CERK: variants seen among roughly 807,000 people sequenced by gnomAD.
The protein encoded by CERK is ceramide kinase.
CERK carries 39 observed loss-of-function variants against 63.4 expected under a neutral mutation model. The ratio of observed to expected loss-of-function variants is 0.61; its 90% CI spans 0.48 to 0.80. The LOEUF (loss-of-function observed/expected upper bound fraction) is 0.80. Ranked by LOEUF, CERK falls within the 30% of genes least tolerant of loss-of-function variation. CERK has a pLI of 0.00. For synonymous variants in CERK, 302 were observed against 280.0 expected (o/e 1.08, Z -0.78); for missense variants, 670 against 714.1 (o/e 0.94, Z 0.70).
At chr22:46,703,703 G>A (rs940264984) in intron 6 of CERK, among the ~76,000 whole-genome samples, 2 of 152,108 alleles carry the variant, frequency 1.3e-5, no homozygotes, top group African/African-American at 2.4e-5. Context: ...AGCCACCAGC[G>A]TTCTCACCGG....
intron 6 of CERK, 134 bp downstream of exon 6, chr22:46,707,709 C>T: frequency 9.9e-7 from 1 of 1,011,788 alleles, no homozygotes; most frequent in South Asian, 1.6e-5. Flanking sequence ...CCAAGAGTGG[C>T]CCTAATGTTA....
intron 3 of CERK, among the ~76,000 whole-genome samples, chr22:46,716,191 CTTT>C (rs79638073): frequency 2.1e-5 from 3 of 141,298 alleles, no homozygotes; most frequent in African/African-American, 2.6e-5. Context: ...CCTCATCTCC[CTTT>C]TTTTTTTTTT....
chr22:46,699,248 G>C, intron 8 of CERK, 65 bp downstream of exon 8: 1 of 1,534,178 alleles, frequency 6.5e-7, no homozygotes, highest in Middle Eastern at 1.7e-4. Context: ...ATTCAGTCAG[G>C]TAACATCTGT....
chr22:46,721,290 CAT>C (rs369906534), intron 1 of CERK, among the ~76,000 whole-genome samples: 3 of 150,864 alleles, frequency 2.0e-5, no homozygotes, highest in East Asian at 3.9e-4. Flanking sequence ...AAAAGATATA[CAT>C]ATATATATAT....
In CERK at chr22:46,720,972, T is replaced by G; in HGVS notation, c.186A>C (p.Glu62Asp). 1 of 1,613,822 alleles carries G rather than the reference T, an allele frequency of 6.2e-7. No homozygotes were observed. Among genetic ancestry groups the G allele is most frequent in the African/African-American group, 1.3e-5 (1 of 75,040 alleles). The change falls in exon 2 of 13, where the codon GAA becomes GAC. Residue 62 changes from glutamate to aspartate, a missense_variant. Glu to Asp is a conservative substitution (Grantham distance 45). Transcript: ENST00000216264. ...VPVSEIIAVE[E>D]TDVHGKHQGS... Reference sequence around the variant, plus strand: ...CTTGATGTTTCCCGTGAACGTCTGTTTCCTCAACGGCGATGATCTCAGATA... The same window carrying G: ...CTTGATGTTTCCCGTGAACGTCTGTGTCCTCAACGGCGATGATCTCAGATA...
chr22:46,692,174 C>T (rs1325356953), intron 10 of CERK, among the ~76,000 whole-genome samples: 1 of 152,206 alleles, frequency 6.6e-6, no homozygotes, highest in East Asian at 1.9e-4. Context: ...CGCCTGTAAT[C>T]CCAGCACTTT....
intron 1 of CERK, 36 bp downstream of exon 1, chr22:46,737,971 C>T: frequency 8.7e-7 from 1 of 1,155,194 alleles, no homozygotes; most frequent in Non-Finnish European, 1.1e-6. Flanking sequence ...GCTCCCTGGC[C>T]AGGTCCGGCC....
At chr22:46,713,525 A>AC (rs1372971437) in intron 3 of CERK, among the ~76,000 whole-genome samples, 1 of 150,390 alleles carries the variant, frequency 6.6e-6, no homozygotes, top group Non-Finnish European at 1.5e-5. Flanking sequence ...AAAAAAAAAA[A>AC]AAAACAAACA....
intron 5 of CERK, 36 bp downstream of exon 5, chr22:46,711,050 A>G: frequency 6.4e-7 from 1 of 1,572,292 alleles, no homozygotes; most frequent in Non-Finnish European, 8.7e-7. Context: ...TTTCATTAAC[A>G]ATGGACTTGA....
rs1391409762 is a variant in CERK at position 46,685,930 on chromosome 22, C to T, written c.*1204G>A. 1 of 152,144 alleles carries T rather than the reference C, an allele frequency of 6.6e-6. No individual in the cohort carries two copies. Among genetic ancestry groups the T allele is most frequent in the Admixed American group, 6.5e-5 (1 of 15,274 alleles). The allele number at this position is 152,144 out of a possible 1,614,324, so 9.4% of individuals were successfully genotyped here. A position where few individuals can be genotyped will look rare whatever the true frequency, so the allele number is the denominator to read the frequency against. ...GCTCCTTACAGATCAAAGTTTAAGC[C>T]GCATATTCTCATATTTCAAACAAAA... is the stretch of plus-strand genomic sequence containing the variant. On this transcript the variant is annotated 3_prime_UTR_variant, in exon 13 of 13. Coordinates refer to ENST00000216264, the MANE Select transcript of CERK (RefSeq NM_022766.6).
chr22:46,737,587 A>G (rs529484774), intron 1 of CERK, among the ~76,000 whole-genome samples: 45 of 152,350 alleles, frequency 3.0e-4, no homozygotes, highest in African/African-American at 1.1e-3. Context: ...GATCCCTGCT[A>G]AAGAAAAGCA....
At chr22:46,716,192 T>C (rs1013670638) in intron 3 of CERK, among the ~76,000 whole-genome samples, 15 of 107,714 alleles carry the variant, frequency 1.4e-4, no homozygotes, top group African/African-American at 2.7e-4. Context: ...CTCATCTCCC[T>C]TTTTTTTTTT....
rs1476648507 is a variant in CERK, at chr22:46,689,964, C to T, written c.1541+28G>A. 4 of 1,559,318 alleles carry T rather than the reference C, an allele frequency of 2.6e-6. No homozygotes were observed. In the Admixed American group the frequency reaches 7.3e-5, roughly 28 times the overall value. On this transcript the variant is annotated intron_variant, in intron 12 of 12. Transcript: ENST00000216264. Reference sequence around the variant, plus strand: ...CACCTCAGGGCTCAAGGGGATGGCGCTGGTGGCTGGAGGACCCCTGCACGC... The same window carrying T: ...CACCTCAGGGCTCAAGGGGATGGCGTTGGTGGCTGGAGGACCCCTGCACGC...
intron 3 of CERK, among the ~76,000 whole-genome samples, chr22:46,718,588 C>T (rs1445733669): frequency 2.0e-5 from 3 of 152,250 alleles, no homozygotes; most frequent in Admixed American, 6.5e-5. Flanking sequence ...GCCCTCCTGC[C>T]CCAGTTGTAA....
intron 3 of CERK, among the ~76,000 whole-genome samples, chr22:46,712,588 G>A (rs752403134): frequency 6.6e-6 from 1 of 152,268 alleles, no homozygotes; most frequent in South Asian, 2.1e-4. Context: ...GGGTGCTGTC[G>A]GGTACACATG....
chr22:46,721,172 G>A (rs1601725747), intron 1 of CERK, among the ~76,000 whole-genome samples, 157 bp from the exon 2 acceptor site: 1 of 152,110 alleles, frequency 6.6e-6, no homozygotes, highest in African/African-American at 2.4e-5. Context: ...CAGCACTTTG[G>A]GAGGCTGAGG....
intron 2 of CERK, 23 bp downstream of exon 2, chr22:46,720,879 G>A: frequency 7.2e-7 from 1 of 1,392,988 alleles, no homozygotes; most frequent in East Asian, 2.3e-5. Flanking sequence ...AAGAATGTGG[G>A]AGAAGACATT....
At chr22:46,734,713 C>T (rs117819512) in intron 1 of CERK, among the ~76,000 whole-genome samples, 139 of 152,278 alleles carry the variant, frequency 9.1e-4, no homozygotes, top group Admixed American at 3.1e-3. Context: ...GTGGAAAACA[C>T]TCTGCAGTAT....
chr22:46,723,734 G>T (rs568621734), intron 1 of CERK, among the ~76,000 whole-genome samples: 1 of 151,714 alleles, frequency 6.6e-6, no homozygotes, highest in East Asian at 2.0e-4. Flanking sequence ...TTGAAATGGA[G>T]TCTTGCTCGT....
Sources: allele counts gnomAD v4.1 joint callset (sites outside exome capture counted in the v4.1 genomes callset), GRCh38; gene constraint gnomAD v4.1.1; transcripts MANE v1.5; gene names NCBI Gene and HGNC (gene_info 2026-07-23, HGNC 2026-07-21).